VENTX: variants seen among roughly 807,000 people sequenced by gnomAD.
The protein encoded by VENTX is homeobox protein VENTX.
Under a neutral mutation model 10.5 loss-of-function variants are expected in VENTX, and 13 were observed. The observed-to-expected ratio is 1.23, with a 90% confidence interval of 0.80 to 1.96. VENTX has a LOEUF of 1.96. VENTX is among the 30% of genes most tolerant of loss of function. The pLI, the probability that VENTX is intolerant of heterozygous loss-of-function variation, is 0.00. For missense variants in VENTX, 400 were observed against 341.8 expected (o/e 1.17, Z -1.34); for synonymous variants, 177 against 150.4 (o/e 1.18, Z -1.29).
At chr10:133,238,362 C>T (rs116180160) in intron 1 of VENTX, among the ~76,000 whole-genome samples, 1 of 152,344 alleles carries the variant, frequency 6.6e-6, no homozygotes, top group African/African-American at 2.4e-5. Flanking sequence ...GGGATTTCCT[C>T]TCCTTGAGCC....
rs759819038 is a variant in VENTX at position 133,237,988 on chromosome 10, A to G, written c.74A>G (p.Gln25Arg). 1.4e-5 allele frequency: 23 copies of G among 1,600,418 alleles called. No individual in the cohort carries two copies. In the Admixed American group the frequency reaches 3.9e-4, roughly 27 times the overall value. ...TTTGGCTCCGTGGACTGGCTCTCCC[A>G]GAGCAGCTGCTCAGGGCCGACCCAC... ...SSFGSVDWLSQSSCSGPTHTP... is the reference protein window; with the variant it reads ...SSFGSVDWLSRSSCSGPTHTP... The change falls in exon 1 of 3, where the codon CAG becomes CGG. Residue 25 changes from glutamine (Q) to arginine (R), a missense_variant. Physicochemically the swap from Gln to Arg is conservative, Grantham distance 43. Coordinates refer to ENST00000325980, the MANE Select transcript of VENTX (RefSeq NM_014468.4).
Position 133,240,256 on chromosome 10 carries a change from A to C in VENTX, c.727A>C (p.Thr243Pro). The C allele has an allele frequency of 6.2e-7, 1 of 1,607,268 alleles. No individual in the cohort carries two copies. Among genetic ancestry groups the C allele is most frequent in the South Asian group, 1.1e-5 (1 of 90,736 alleles). ...GCCTTCGCTGGGACCAGCCCTGTCC[A>C]CGGGGCCCCGGGGCCTGTGTGCTAT... ...GRPSLGPALSTGPRGLCAMPQ... is the reference protein window; with the variant it reads ...GRPSLGPALSPGPRGLCAMPQ... The change falls in exon 3 of 3, where the codon ACG becomes CCG. Residue 243 changes from threonine (T) to proline (P), a missense_variant. Transcript: ENST00000325980.
rs767616096 is a variant in VENTX at position 133,240,099 on chromosome 10, C to T, written c.570C>T (p.Ser190=). Residue 190 remains serine (S), a synonymous_variant, in exon 3 of 3, where the codon TCC becomes TCT. Transcript: ENST00000325980. ...LQLLCPWAPL[S]GPQALMLPPG... ...TGCTGTGCCCTTGGGCACCCCTGTC[C>T]GGGCCCCAGGCTCTGATGCTGCCCC... 30 of 1,610,876 alleles carry T rather than the reference C, an allele frequency of 1.9e-5. No individual in the cohort carries two copies. Among genetic ancestry groups the T allele is most frequent in the African/African-American group, 4.0e-5 (3 of 74,876 alleles).
In VENTX at chr10:133,240,781, G is replaced by A. The variant is rs1308280151; in HGVS notation, c.*475G>A. 6.6e-6 allele frequency: 1 copy of A among 151,838 alleles called. No individual in the cohort carries two copies. Among genetic ancestry groups the A allele is most frequent in the Non-Finnish European group, 1.5e-5 (1 of 67,986 alleles). 9.4% of individuals were successfully genotyped at this position (151,838 alleles called of 1,614,324 possible). A position where few individuals can be genotyped will look rare whatever the true frequency, so the allele number is the denominator to read the frequency against. On this transcript the variant is annotated 3_prime_UTR_variant, in exon 3 of 3. Coordinates refer to ENST00000325980, the MANE Select transcript of VENTX (RefSeq NM_014468.4). ...GCTGGTCTCAAACTCCTGACCCTGT[G>A]ATCCGCCCGCCTCGGCCTCCCAAAG...
At position 133,240,125 on chromosome 10, in the gene VENTX, C is replaced by T; in HGVS notation, c.596C>T (p.Pro199Leu). 1 of 1,609,962 alleles carries T rather than the reference C, an allele frequency of 6.2e-7. No homozygotes were observed. The highest frequency in any genetic ancestry group is 8.5e-7 in the Non-Finnish European group (1 of 1,179,960). The change falls in exon 3 of 3, where the codon CCT (proline) becomes CTT (leucine). Residue 199 changes from proline to leucine, a missense_variant. Transcript: ENST00000325980. ...GGGCCCCAGGCTCTGATGCTGCCCC[C>T]TGGCTCCTTCTGGGGTCTCTGCCAA... ...LSGPQALMLPPGSFWGLCQVA... is the reference protein window; with the variant it reads ...LSGPQALMLPLGSFWGLCQVA...
Position 133,238,139 on chromosome 10 carries a change from G to A in VENTX, c.225G>A (p.Pro75=), listed in dbSNP as rs537711467. 3.2e-5 allele frequency: 52 copies of A among 1,601,808 alleles called. No individual in the cohort carries two copies. In the East Asian group the frequency reaches 5.8e-4, roughly 18 times the overall value. Residue 75 remains proline (P), a synonymous_variant, in exon 1 of 3, where the codon CCG becomes CCA. Coordinates refer to ENST00000325980, the MANE Select transcript of VENTX (RefSeq NM_014468.4). The stretch of plus-strand genomic sequence containing the variant: ...CCGGGTCCTCAAATCTGCCTGCGCC[G>A]GAGAGGACCATGGCCGGTAGGTCCG... The part of the protein sequence containing the change: ...EAAGSSNLPA[P]ERTMAGLSKE...
In VENTX at chr10:133,237,883, G is replaced by A. The variant is rs777134031; in HGVS notation, c.-32G>A. 6.4e-7 allele frequency: 1 copy of A among 1,550,506 alleles called. No individual in the cohort carries two copies. Among genetic ancestry groups the A allele is most frequent in the East Asian group, 2.3e-5 (1 of 42,838 alleles). ...GTGGATCCTGCGCCTGGCCAGCCCC[G>A]CCTGGCCTTCCCTCCGGCCCACCTG... On this transcript the variant is annotated 5_prime_UTR_variant, in exon 1 of 3. Transcript: ENST00000325980.
At chr10:133,238,183 CT>C (rs1457675690) in intron 1 of VENTX, 28 bp downstream of exon 1, 2 of 1,561,900 alleles carry the variant, frequency 1.3e-6, no homozygotes, top group Non-Finnish European at 1.7e-6. Context: ...GGGTCCCTTC[CT>C]TCCCAGGTGG....
At chr10:133,239,135 T>C (rs376737983) in intron 1 of VENTX, among the ~76,000 whole-genome samples, 1 of 152,260 alleles carries the variant, frequency 6.6e-6, no homozygotes, top group African/African-American at 2.4e-5. Context: ...ATTGGCCACG[T>C]TGGCCTTTCC....
rs961650000 is a variant in VENTX, at chr10:133,240,717, C to A, written c.*411C>A. ...CGCCACCACGCCCGGCTAATTTTTT[C>A]TATTTTTAGTAGAAATGGGGTTTCA... On this transcript the variant is annotated 3_prime_UTR_variant, in exon 3 of 3. Transcript: ENST00000325980. 6.6e-6 allele frequency: 1 copy of A among 151,242 alleles called. No individual in the cohort carries two copies. The highest frequency in any genetic ancestry group is 2.4e-5 in the African/African-American group (1 of 41,124). The allele number at this position is 151,242 out of a possible 1,614,324, so 9.4% of individuals were successfully genotyped here. A position where few individuals can be genotyped will look rare whatever the true frequency, so the allele number is the denominator to read the frequency against.
rs1251534127 is a variant in VENTX at position 133,241,727 on chromosome 10, A to C, written c.*1421A>C. On this transcript the variant is annotated 3_prime_UTR_variant, in exon 3 of 3. Coordinates refer to ENST00000325980, the MANE Select transcript of VENTX (RefSeq NM_014468.4). ...TTCTCCCTTGTTGTAAGTGTTTACA[A>C]CTGGCATGTGCTTTTAAACGTCAGG... 1 of 152,240 alleles carries C rather than the reference A, an allele frequency of 6.6e-6. No homozygotes were observed. The highest frequency in any genetic ancestry group is 1.5e-5 in the Non-Finnish European group (1 of 68,040). The allele number at this position is 152,240 out of a possible 1,614,324, so 9.4% of individuals were successfully genotyped here.
Position 133,238,011 on chromosome 10 carries a change from C to T in VENTX, c.97C>T (p.His33Tyr), listed in dbSNP as rs758788051. 1.9e-6 allele frequency: 3 copies of T among 1,600,644 alleles called. No individual in the cohort carries two copies. Among genetic ancestry groups the T allele is most frequent in the South Asian group, 2.2e-5 (2 of 89,276 alleles). The change falls in exon 1 of 3, where the codon CAC becomes TAC. Residue 33 changes from histidine (H) to tyrosine (Y), a missense_variant. Physicochemically the swap from His to Tyr is moderately conservative, Grantham distance 83. Coordinates refer to ENST00000325980, the MANE Select transcript of VENTX (RefSeq NM_014468.4). ...CCAGAGCAGCTGCTCAGGGCCGACCCACACCCCCAGGCCTGCCGACTTCTC... is the reference window on the plus strand; with the variant it reads ...CCAGAGCAGCTGCTCAGGGCCGACCTACACCCCCAGGCCTGCCGACTTCTC... Reference protein sequence around the residue: ...LSQSSCSGPTHTPRPADFSLG... With the variant: ...LSQSSCSGPTYTPRPADFSLG...
At chr10:133,239,535 G>A (rs111758122) in intron 1 of VENTX, 141 bp from the exon 2 acceptor site, 58 of 991,506 alleles carry the variant, frequency 5.8e-5, no homozygotes, top group East Asian at 7.9e-5. Context: ...GGGAGGCGGC[G>A]GGGGTGCTGC....
rs1845935596 is a variant in VENTX, at chr10:133,241,646, C to T, written c.*1340C>T. On this transcript the variant is annotated 3_prime_UTR_variant, in exon 3 of 3. Transcript: ENST00000325980. ...ACCCACCCGGGCACCCCAACAGGAA[C>T]AGAAGCGTGGTCCTGCGGCTGCGTC... 6.6e-6 allele frequency: 1 copy of T among 152,268 alleles called. No homozygotes were observed. 9.4% of individuals were successfully genotyped at this position (152,268 alleles called of 1,614,324 possible).
At chr10:133,239,425 G>T (rs1845896755) in intron 1 of VENTX, among the ~76,000 whole-genome samples, 1 of 152,242 alleles carries the variant, frequency 6.6e-6, no homozygotes, top group African/African-American at 2.4e-5. Context: ...GTGGGATGGG[G>T]CGGAACTGAG....
rs186539344 is a variant in VENTX at position 133,241,194 on chromosome 10, C to G, written c.*888C>G. ...GCGAGGATGCTGGGGCCCTGCAGTG[C>G]GCTCTAGGCTGTGCGTGAGCCGGGA... On this transcript the variant is annotated 3_prime_UTR_variant, in exon 3 of 3. Coordinates refer to ENST00000325980, the MANE Select transcript of VENTX (RefSeq NM_014468.4). 1.0e-4 allele frequency: 16 copies of G among 152,802 alleles called. No individual in the cohort carries two copies. The highest frequency in any genetic ancestry group is 3.8e-4 in the African/African-American group (16 of 41,582). 9.5% of individuals were successfully genotyped at this position (152,802 alleles called of 1,614,324 possible). A position where few individuals can be genotyped will look rare whatever the true frequency, so the allele number is the denominator to read the frequency against.
At position 133,240,435 on chromosome 10, in the gene VENTX, T is replaced by G; in HGVS notation, c.*129T>G. ...TGACCCACACAAAGGTTCTGGAGAT[T>G]ACTGGAGAATATATATAAATATATA... is the stretch of plus-strand genomic sequence containing the variant. On this transcript the variant is annotated 3_prime_UTR_variant, in exon 3 of 3. Transcript: ENST00000325980. 6 of 919,090 alleles carry G rather than the reference T, an allele frequency of 6.5e-6. No homozygotes were observed. The highest frequency in any genetic ancestry group is 9.0e-6 in the Non-Finnish European group (6 of 667,526). 56.9% of individuals were successfully genotyped at this position (919,090 alleles called of 1,614,324 possible).
rs201738584 is a variant in VENTX, at chr10:133,239,776, G to C, written c.342G>C (p.Gln114His). Residue 114 changes from glutamine to histidine, a missense_variant, in exon 2 of 3, where the codon CAG (glutamine) becomes CAC (histidine). Transcript: ENST00000325980. ...TGGAGGGCGTCTTCCAGCACCACCA[G>C]TACCTGAGCCCTCTGGAGCGGAAGA... ...RTLEGVFQHH[Q>H]YLSPLERKRL... 167 of 1,610,878 alleles carry C rather than the reference G, an allele frequency of 1.0e-4. No individual in the cohort carries two copies. The highest frequency in any genetic ancestry group is 9.8e-5 in the Non-Finnish European group (116 of 1,179,888).
chr10:133,238,470 C>CCGGA (rs1845884321), intron 1 of VENTX, among the ~76,000 whole-genome samples: 1 of 152,172 alleles, frequency 6.6e-6, no homozygotes, highest in Admixed American at 6.5e-5. Flanking sequence ...CAAGGGGTCC[C>CCGGA]CGTCCGCACC....
Sources: gnomAD v4.1 joint callset for allele counts (sites outside exome capture counted in the v4.1 genomes callset) on GRCh38, gnomAD v4.1.1 for gene constraint, MANE v1.5 for transcripts, NCBI Gene and HGNC (gene_info 2026-07-23, HGNC 2026-07-21) for gene names.